ZBTB1: variants seen among roughly 807,000 people sequenced by gnomAD.
ZBTB1 encodes the protein zinc finger and BTB domain-containing protein 1.
ZBTB1 carries 13 observed loss-of-function variants against 51.6 expected under a neutral mutation model. The observed-to-expected ratio is 0.25, with a 90% CI of 0.16 to 0.40. ZBTB1 has a LOEUF of 0.40. ZBTB1 is among the 10% of genes least tolerant of loss of function. ZBTB1 has a pLI of 1.00. For synonymous variants in ZBTB1, 240 were observed against 282.2 expected, an observed-to-expected ratio of 0.85 and a Z score of 1.50; for missense variants, 567 against 856.5, an observed-to-expected ratio of 0.66 and a Z score of 4.22.
chr14:64,523,072 A>C lies in ZBTB1; in HGVS notation c.1568A>C (p.Lys523Thr), dbSNP rs1029213186. The C allele has an allele frequency of 2.5e-6, 4 of 1,614,118 alleles. No homozygotes were observed. In the Admixed American group the frequency reaches 5.0e-5, roughly 20 times the overall value. The change falls in exon 2 of 2, where the codon AAA becomes ACA. Residue 523 changes from lysine to threonine, a missense_variant. Lys to Thr is a moderately conservative substitution (Grantham distance 78). Coordinates refer to ENST00000683701, the MANE Select transcript of ZBTB1 (RefSeq NM_001123329.2). The surrounding 1 kb of genome is among the most constrained non-coding windows in gnomAD (Gnocchi z 4.5). ...DNHYQINSIQ[K>T]KQLFKHSACP... is the part of the protein sequence containing the mutation. ...CATTACCAGATAAACAGTATCCAAA[A>C]AAAGCAGTTATTTAAACATTCTGCC...
At chr14:64,505,538 G>A (rs976345164) in intron 1 of ZBTB1, among the ~76,000 whole-genome samples, 2 of 152,248 alleles carry the variant, frequency 1.3e-5, no homozygotes, top group Non-Finnish European at 2.9e-5. Context: ...TGGGAAGGGA[G>A]TGCTTTCGCT....
rs142894730 is a variant in ZBTB1 at position 64,517,587 on chromosome 14, T to C, written c.-18-3900T>C. 6.0e-3 allele frequency among the ~76,000 whole-genome samples: 906 copies of C among 151,868 alleles called. 7 individuals carry two copies. The highest frequency in any genetic ancestry group is 0.01 in the Non-Finnish European group (695 of 67,940). ...AAATTTCATCCTACTTAAAACGGGC[T>C]TGGGTCAACATTTTTGTGTATTTTT... On this transcript the variant is annotated intron_variant, in intron 1 of 1. Transcript: ENST00000683701.
chr14:64,511,549 T>TCTTA (rs77199057), intron 1 of ZBTB1, among the ~76,000 whole-genome samples: 26,300 of 152,134 alleles, frequency 0.17, 2,581 homozygotes, highest in Non-Finnish European at 0.22. Context: ...AAACTTTACA[T>TCTTA]CTTATGAGCA....
chr14:64,505,596 G>C (rs951461866), intron 1 of ZBTB1, among the ~76,000 whole-genome samples: 1 of 152,228 alleles, frequency 6.6e-6, no homozygotes, highest in African/African-American at 2.4e-5. Context: ...GTTGGATGCA[G>C]ATCGGGAGTC....
chr14:64,506,558 A>T (rs2079660307), intron 1 of ZBTB1, among the ~76,000 whole-genome samples: 4 of 152,202 alleles, frequency 2.6e-5, no homozygotes. Context: ...CAACAACAAC[A>T]AAAACAGGAA....
upstream of ZBTB1, among the ~76,000 whole-genome samples, chr14:64,504,306 C>T (rs2079598789): frequency 1.3e-5 from 2 of 152,080 alleles, no homozygotes; most frequent in South Asian, 2.1e-4. Flanking sequence ...CGGGGCAGGG[C>T]GAGGTTGCCG....
downstream of ZBTB1, among the ~76,000 whole-genome samples, chr14:64,526,088 G>C (rs2079901676): frequency 6.6e-6 from 1 of 152,124 alleles, no homozygotes; most frequent in African/African-American, 2.4e-5. Context: ...AAAGTGCTGG[G>C]ATTACAGGCA....
chr14:64,528,832 G>A (rs1216295312), downstream of ZBTB1, among the ~76,000 whole-genome samples: 1 of 152,192 alleles, frequency 6.6e-6, no homozygotes, highest in African/African-American at 2.4e-5. Context: ...GAGGTTCAGA[G>A]AGATTATTTT....
intron 2 of ZBTB1, among the ~76,000 whole-genome samples, chr14:64,530,833 C>A (rs1364144783): frequency 6.6e-6 from 1 of 152,054 alleles, no homozygotes; most frequent in African/African-American, 2.4e-5. Context: ...TTCTCATTAT[C>A]CATCTCAATT....
chr14:64,506,161 C>G (rs2079651244), intron 1 of ZBTB1, among the ~76,000 whole-genome samples: 1 of 152,226 alleles, frequency 6.6e-6, no homozygotes, highest in Non-Finnish European at 1.5e-5. Flanking sequence ...TTTTGAATCA[C>G]TTGCTGGATA....
chr14:64,517,121 TA>T (rs1259903208), intron 1 of ZBTB1, among the ~76,000 whole-genome samples: 1 of 152,216 alleles, frequency 6.6e-6, no homozygotes, highest in Non-Finnish European at 1.5e-5. Flanking sequence ...ACCTGATGCT[TA>T]AATAAGCATC....
At chr14:64,527,610 CAA>C (rs1268852597), downstream of ZBTB1, among the ~76,000 whole-genome samples, 1 of 136,440 alleles carries the variant, frequency 7.3e-6, no homozygotes, top group Non-Finnish European at 1.6e-5. Context: ...GACTCCATCT[CAA>C]AAAAAAAAAA....
chr14:64,503,801 GC>G (rs987348675), upstream of ZBTB1: 6 of 168,436 alleles, frequency 3.6e-5, no homozygotes, highest in Non-Finnish European at 6.0e-5. Flanking sequence ...GCCCGCGATG[GC>G]CCCACGTGAC....
At chr14:64,517,593 C>T (rs189260703) in intron 1 of ZBTB1, among the ~76,000 whole-genome samples, 192 of 151,542 alleles carry the variant, frequency 1.3e-3, no homozygotes, top group Non-Finnish European at 2.4e-3. Flanking sequence ...GGGCTTGGGT[C>T]AACATTTTTG....
chr14:64,525,242 G>C (rs1335231147), downstream of ZBTB1, among the ~76,000 whole-genome samples: 1 of 152,166 alleles, frequency 6.6e-6, no homozygotes, highest in African/African-American at 2.4e-5. Flanking sequence ...GTTAAGTAAG[G>C]ATAGGAACAG....
intron 1 of ZBTB1, among the ~76,000 whole-genome samples, chr14:64,513,892 T>G (rs2079752757): frequency 6.6e-6 from 1 of 152,200 alleles, no homozygotes; most frequent in Non-Finnish European, 1.5e-5. Flanking sequence ...ACTCCTGACC[T>G]CAGGTGATCC....
rs1348165714 is a variant in ZBTB1, at chr14:64,523,984, T to TG, written c.*338_*339insG. 1.2e-4 allele frequency: 111 copies of TG among 963,132 alleles called. No individual in the cohort carries two copies. Among genetic ancestry groups the TG allele is most frequent in the Non-Finnish European group, 1.3e-4 (107 of 795,718 alleles). The allele number at this position is 963,132 out of a possible 1,614,324, so 59.7% of individuals were successfully genotyped here. A position where few individuals can be genotyped will look rare whatever the true frequency, so the allele number is the denominator to read the frequency against. On this transcript the variant is annotated 3_prime_UTR_variant, in exon 2 of 2. Transcript: ENST00000683701. This position sits in a 1 kb window ranked among gnomAD's most constrained non-coding sequence, Gnocchi z 4.5. ...TGATGACTTCACTATTTCTATGTGT[T>TG]TTTTTTTTTTTAAGGTTATCCTGTG...
chr14:64,532,233 A>G (rs903713716), exon 3 of ZBTB1: 2 of 181,246 alleles, frequency 1.1e-5, no homozygotes, highest in African/African-American at 4.7e-5. Context: ...GTCTTTCTAA[A>G]ATAAAAGGGG....
intron 1 of ZBTB1, among the ~76,000 whole-genome samples, chr14:64,506,437 G>GCTTGAACCTGGCTCAAGGCT (rs1316884041): frequency 6.6e-6 from 1 of 152,214 alleles, no homozygotes; most frequent in African/African-American, 2.4e-5. Context: ...GGAGGCTGAG[G>GCTTGAACCTGGCTCAAGGCT]CAGGAGAATC....
Sources: allele counts gnomAD v4.1 joint callset (sites outside exome capture counted in the v4.1 genomes callset), GRCh38; gene constraint gnomAD v4.1.1; non-coding constraint Gnocchi (gnomAD v3.1); transcripts MANE v1.5; gene names NCBI Gene and HGNC (gene_info 2026-07-23, HGNC 2026-07-21).